The following STARD3NL variants were observed in gnomAD, a reference collection of about 807,000 sequenced individuals.
The protein encoded by STARD3NL is STARD3 N-terminal like.
STARD3NL carries 17 observed loss-of-function variants against 30.9 expected under a neutral mutation model. The ratio of observed to expected loss-of-function variants is 0.55; its 90% CI spans 0.38 to 0.82. The LOEUF (loss-of-function observed/expected upper bound fraction) is 0.82. STARD3NL is among the 40% of genes least tolerant of loss of function. STARD3NL has a pLI of 0.00. For synonymous variants in STARD3NL, 112 were observed against 100.5 expected (o/e 1.11, Z -0.69); for missense variants, 234 against 277.6 (o/e 0.84, Z 1.12).
In STARD3NL at chr7:38,230,231, C is replaced by T. The variant is rs1018529008; in HGVS notation, c.*326C>T. The T allele has an allele frequency of 6.6e-6, 1 of 152,652 alleles. No homozygotes were observed. The highest frequency in any genetic ancestry group is 2.4e-5 in the African/African-American group (1 of 41,456). 9.5% of individuals were successfully genotyped at this position (152,652 alleles called of 1,614,324 possible). A position where few individuals can be genotyped will look rare whatever the true frequency, so the allele number is the denominator to read the frequency against. ...CAAAAGACTTAATATATTGAAGTAA[C>T]ACTTTTTTAGTAAGCAAGATACCTT... On this transcript the variant is annotated 3_prime_UTR_variant, in exon 9 of 9. Transcript: ENST00000009041.
intron 1 of STARD3NL, among the ~76,000 whole-genome samples, chr7:38,185,535 TAGC>T (rs1424516056): frequency 6.6e-6 from 1 of 152,182 alleles, no homozygotes; most frequent in Non-Finnish European, 1.5e-5. Context: ...ACATCTTCCC[TAGC>T]ATTGCTGTTA....
intron 2 of STARD3NL, among the ~76,000 whole-genome samples, chr7:38,211,556 G>T (rs552771027): frequency 6.6e-6 from 1 of 152,174 alleles, no homozygotes; most frequent in Non-Finnish European, 1.5e-5. Context: ...AATTGAATAG[G>T]TAGGCTGGTG....
At chr7:38,200,012 C>G (rs555199386) in intron 1 of STARD3NL, among the ~76,000 whole-genome samples, 1 of 152,190 alleles carries the variant, frequency 6.6e-6, no homozygotes, top group Admixed American at 6.5e-5. Context: ...GTTCCAGCAC[C>G]TAGGCTAGCC....
At chr7:38,212,883 G>A (rs1330735838) in intron 2 of STARD3NL, among the ~76,000 whole-genome samples, 3 of 152,204 alleles carry the variant, frequency 2.0e-5, no homozygotes. Flanking sequence ...TGAAACTAAA[G>A]ATAGTTTATT....
intron 1 of STARD3NL, among the ~76,000 whole-genome samples, chr7:38,197,367 A>G (rs1163659807): frequency 2.0e-5 from 3 of 151,860 alleles, no homozygotes; most frequent in Admixed American, 6.6e-5. Flanking sequence ...CTAAGACTAC[A>G]AGTCTACACT....
chr7:38,221,574 G>A (rs1719091949), intron 7 of STARD3NL, among the ~76,000 whole-genome samples: 1 of 152,198 alleles, frequency 6.6e-6, no homozygotes, highest in South Asian at 2.1e-4. Context: ...AATAATAAGT[G>A]GTGTAGCTGG....
intron 6 of STARD3NL, 96 bp downstream of exon 6, chr7:38,217,401 G>A: frequency 8.9e-7 from 1 of 1,128,040 alleles, no homozygotes; most frequent in Non-Finnish European, 1.3e-6. Context: ...CTGCAAATGG[G>A]TAGAGTTAGG....
At chr7:38,229,762 T>C (rs536924443) in intron 8 of STARD3NL, among the ~76,000 whole-genome samples, 161 bp from the exon 9 acceptor site, 6 of 152,238 alleles carry the variant, frequency 3.9e-5, no homozygotes, top group Non-Finnish European at 8.8e-5. Flanking sequence ...TTTTCTAAAA[T>C]GTTTTAACAT....
chr7:38,221,657 T>C (rs1206611217), intron 7 of STARD3NL, among the ~76,000 whole-genome samples: 1 of 152,236 alleles, frequency 6.6e-6, no homozygotes, highest in African/African-American at 2.4e-5. Context: ...TTGGTGTTTA[T>C]GAAAATATAG....
chr7:38,212,405 C>T (rs1199855393), intron 2 of STARD3NL, among the ~76,000 whole-genome samples: 1 of 152,126 alleles, frequency 6.6e-6, no homozygotes, highest in East Asian at 1.9e-4. Flanking sequence ...TCTTATTTTG[C>T]TAGTATCAGT....
At chr7:38,190,636 C>T (rs1296521219) in intron 1 of STARD3NL, among the ~76,000 whole-genome samples, 1 of 152,180 alleles carries the variant, frequency 6.6e-6, no homozygotes, top group Non-Finnish European at 1.5e-5. Context: ...TCCTGCATAA[C>T]CATTACTAAA....
At chr7:38,180,841 G>A (rs1246220331) in intron 1 of STARD3NL, among the ~76,000 whole-genome samples, 1 of 152,152 alleles carries the variant, frequency 6.6e-6, no homozygotes, top group Non-Finnish European at 1.5e-5. Context: ...GCCCAGAGAA[G>A]GTCAGTGAGT....
intron 2 of STARD3NL, among the ~76,000 whole-genome samples, chr7:38,210,832 T>A (rs1583811881): frequency 6.6e-6 from 1 of 152,240 alleles, no homozygotes; most frequent in African/African-American, 2.4e-5. Flanking sequence ...GACTTTTTTC[T>A]TACTATTTTC....
At chr7:38,209,432 C>T (rs1232314092) in intron 2 of STARD3NL, among the ~76,000 whole-genome samples, 1 of 152,042 alleles carries the variant, frequency 6.6e-6, no homozygotes, top group African/African-American at 2.4e-5. Context: ...ACAGGGCGCA[C>T]ACCATCACGC....
chr7:38,218,874 GTTC>G (rs1786283042), intron 6 of STARD3NL, among the ~76,000 whole-genome samples: 1 of 151,944 alleles, frequency 6.6e-6, no homozygotes, highest in Non-Finnish European at 1.5e-5. Context: ...CATCTTGATT[GTTC>G]TTTATATATT....
At chr7:38,189,260 ATAAAGAT>A (rs1342681222) in intron 1 of STARD3NL, among the ~76,000 whole-genome samples, 1 of 152,230 alleles carries the variant, frequency 6.6e-6, no homozygotes, top group Non-Finnish European at 1.5e-5. Context: ...TGCCTAGAAA[ATAAAGAT>A]TAAGAATAAC....
chr7:38,182,313 G>A, intron 1 of STARD3NL, among the ~76,000 whole-genome samples: 1 of 152,146 alleles, frequency 6.6e-6, no homozygotes. Flanking sequence ...GGGGTCCTTT[G>A]AGAGGAACTC....
intron 1 of STARD3NL, among the ~76,000 whole-genome samples, chr7:38,194,508 A>T (rs1187630779): frequency 1.3e-5 from 2 of 152,038 alleles, no homozygotes; most frequent in East Asian, 1.9e-4. Flanking sequence ...TTAAATGCCG[A>T]ATTATTTAAT....
chr7:38,210,730 G>T (rs1562615969), intron 2 of STARD3NL, among the ~76,000 whole-genome samples: 1 of 152,182 alleles, frequency 6.6e-6, no homozygotes, highest in Non-Finnish European at 1.5e-5. Flanking sequence ...AGGGATCAAA[G>T]TAGTGACAGT....
Sources: allele counts gnomAD v4.1 joint callset (sites outside exome capture counted in the v4.1 genomes callset), GRCh38; gene constraint gnomAD v4.1.1; transcripts MANE v1.5; gene names NCBI Gene and HGNC (gene_info 2026-07-23, HGNC 2026-07-21).